The following ZNRF3 variants were observed in gnomAD, a reference collection of about 807,000 sequenced individuals.
The protein encoded by ZNRF3 is E3 ubiquitin-protein ligase ZNRF3.
In ZNRF3, 23 loss-of-function variants were observed where a neutral mutation model predicts 72.5. The observed-to-expected ratio is 0.32, with a 90% CI of 0.23 to 0.45. The LOEUF (loss-of-function observed/expected upper bound fraction) is 0.45, where lower values mean the gene tolerates loss of function less well. Among genes scored for constraint, ZNRF3 ranks in the 20% least tolerant of loss-of-function variants. The probability of loss-of-function intolerance (pLI) is 1.00; values close to 1 mark genes in which losing one functional copy is unlikely to be tolerated. For synonymous variants in ZNRF3, 610 were observed against 545.3 expected, an observed-to-expected ratio of 1.12 and a Z score of -1.65; for missense variants, 1,169 against 1,272.1, an observed-to-expected ratio of 0.92 and a Z score of 1.23.
chr22:29,000,570 C>A (rs187249260), intron 2 of ZNRF3, among the ~76,000 whole-genome samples: 129 of 152,228 alleles, frequency 8.5e-4, no homozygotes, highest in Middle Eastern at 3.4e-3. Flanking sequence ...TTACAATTTA[C>A]AATTTATAGC....
chr22:28,955,590 G>A (rs540760079), intron 1 of ZNRF3, among the ~76,000 whole-genome samples: 1 of 152,266 alleles, frequency 6.6e-6, no homozygotes, highest in African/African-American at 2.4e-5. Context: ...CTGTGCTTTG[G>A]TTGGTCTCAC....
intron 1 of ZNRF3, among the ~76,000 whole-genome samples, chr22:28,885,123 A>G (rs562889455): frequency 1.3e-5 from 2 of 152,240 alleles, no homozygotes; most frequent in South Asian, 4.1e-4. Flanking sequence ...TGAGTTATGA[A>G]TGAAAAGAAG....
rs183977884 is a variant in ZNRF3, at chr22:28,888,997, C to G, written c.300+4931C>G. ...AGGTGTGGTGGCACATGCCTGTAAT[C>G]CCAGCTACTCAGGAGGCTGAGGCAG... On this transcript the variant is annotated intron_variant, in intron 1 of 8. Transcript: ENST00000544604. 4.5e-3 allele frequency among the ~76,000 whole-genome samples: 681 copies of G among 152,180 alleles called. 6 individuals are homozygous for G. The highest frequency in any genetic ancestry group is 6.6e-3 in the Non-Finnish European group (452 of 68,002).
chr22:28,944,553 G>A (rs1400832996), intron 1 of ZNRF3, among the ~76,000 whole-genome samples: 2 of 151,930 alleles, frequency 1.3e-5, no homozygotes, highest in Non-Finnish European at 2.9e-5. Flanking sequence ...TCAGGAGTTC[G>A]AGACCAGCCT....
intron 2 of ZNRF3, among the ~76,000 whole-genome samples, chr22:28,996,768 G>A (rs1413175636): frequency 3.3e-5 from 5 of 152,290 alleles, no homozygotes; most frequent in South Asian, 4.1e-4. Flanking sequence ...GAACCTCAGC[G>A]AAGAAGATCT....
intron 1 of ZNRF3, among the ~76,000 whole-genome samples, chr22:28,933,164 G>A (rs189604537): frequency 2.6e-5 from 4 of 152,144 alleles, no homozygotes; most frequent in South Asian, 2.1e-4. Flanking sequence ...ATGAACTAAC[G>A]CATTCTTCTC....
chr22:28,965,144 C>T (rs898963896), intron 1 of ZNRF3, among the ~76,000 whole-genome samples: 2 of 152,196 alleles, frequency 1.3e-5, no homozygotes, highest in Non-Finnish European at 2.9e-5. Context: ...CTGGCTCAGC[C>T]ATCCTAGCAC....
In ZNRF3 at chr22:29,046,860, C is replaced by T. The variant is rs1296860513; in HGVS notation, c.889C>T (p.Leu297=). ...SSSTSDCAIC[L]EKYIDGEELR... ...CTCCACGTCCGACTGTGCCATCTGT[C>T]TGGAGAAGTACATTGATGGAGAGGT... is the stretch of plus-strand genomic sequence containing the variant. The change falls in exon 6 of 9, where the codon CTG becomes TTG. Residue 297 remains leucine (L), a synonymous_variant. Transcript: ENST00000544604. 1 of 1,595,450 alleles carries T rather than the reference C, an allele frequency of 6.3e-7. No individual in the cohort carries two copies. The highest frequency in any genetic ancestry group is 1.3e-5 in the African/African-American group (1 of 74,518).
At chr22:28,887,530 A>G (rs1318026) in intron 1 of ZNRF3, among the ~76,000 whole-genome samples, 61,753 of 151,988 alleles carry the variant, frequency 0.41, 14,094 homozygotes, top group East Asian at 0.61. Context: ...AAGGTCACCA[A>G]TGTAATCTGA....
intron 1 of ZNRF3, among the ~76,000 whole-genome samples, chr22:28,896,704 T>G (rs1055944922): frequency 2.0e-5 from 3 of 152,238 alleles, no homozygotes; most frequent in African/African-American, 7.2e-5. Flanking sequence ...TACATCAGTC[T>G]TGGAGTAGGT....
chr22:28,892,791 C>T (rs567206648), intron 1 of ZNRF3, among the ~76,000 whole-genome samples: 2 of 152,228 alleles, frequency 1.3e-5, no homozygotes, highest in South Asian at 4.1e-4. Context: ...TCTGTGAAAA[C>T]GAAGTTTGAT....
intron 2 of ZNRF3, among the ~76,000 whole-genome samples, chr22:29,036,574 A>C (rs1490507058): frequency 2.6e-5 from 4 of 152,210 alleles, no homozygotes; most frequent in Non-Finnish European, 5.9e-5. Context: ...TGTCTGTGCC[A>C]GTCTATCTAT....
At chr22:28,950,755 G>A (rs992696799) in intron 1 of ZNRF3, among the ~76,000 whole-genome samples, 13 of 152,204 alleles carry the variant, frequency 8.5e-5, no homozygotes, top group Non-Finnish European at 1.9e-4. Flanking sequence ...TTCTTGCCAT[G>A]TAAATCCTTA....
intron 1 of ZNRF3, among the ~76,000 whole-genome samples, chr22:28,931,649 C>T (rs1185245162): frequency 1.3e-5 from 2 of 152,124 alleles, no homozygotes; most frequent in Non-Finnish European, 2.9e-5. Flanking sequence ...GTCCATCTGT[C>T]CACACACCCA....
At chr22:29,008,867 T>C (rs2036302879) in intron 2 of ZNRF3, among the ~76,000 whole-genome samples, 1 of 152,262 alleles carries the variant, frequency 6.6e-6, no homozygotes, top group Non-Finnish European at 1.5e-5. Context: ...AGGTAGCCAA[T>C]TACTCTTTTT....
At chr22:29,026,132 G>A (rs1263004801) in intron 2 of ZNRF3, 1 of 152,170 alleles carries the variant, frequency 6.6e-6, no homozygotes, top group Non-Finnish European at 1.5e-5. Context: ...GCATAGATTT[G>A]ACACAGCCTT....
At chr22:29,003,746 G>A (rs757768117) in intron 2 of ZNRF3, among the ~76,000 whole-genome samples, 7 of 151,946 alleles carry the variant, frequency 4.6e-5, no homozygotes, top group Admixed American at 3.3e-4. Flanking sequence ...AGGCTGGAGC[G>A]GGAGGCTTGA....
intron 2 of ZNRF3, chr22:29,031,774 G>GT (rs1210905369): frequency 7.8e-6 from 2 of 256,378 alleles, no homozygotes; most frequent in Non-Finnish European, 1.2e-5. Flanking sequence ...GACCGGCTGG[G>GT]TGCTCTCCAT....
At position 28,963,463 on chromosome 22, in the gene ZNRF3, G is replaced by A. The variant is rs78078032; in HGVS notation, c.301-23613G>A. Among the ~76,000 whole-genome samples the A allele has an allele frequency of 3.0e-3, 460 of 152,254 alleles. 3 individuals are homozygous for A. Among genetic ancestry groups the A allele is most frequent in the African/African-American group, 0.01 (430 of 41,526 alleles). ...AAATATTGCTGTTAATCGCAGGAGA[G>A]GGGGGTAGGGAGGGAAAAAAACCAC... On this transcript the variant is annotated intron_variant, in intron 1 of 8. Coordinates refer to ENST00000544604, the MANE Select transcript of ZNRF3 (RefSeq NM_001206998.2).
Sources: gnomAD v4.1 joint callset for allele counts (sites outside exome capture counted in the v4.1 genomes callset) on GRCh38, gnomAD v4.1.1 for gene constraint, MANE v1.5 for transcripts, NCBI Gene and HGNC (gene_info 2026-07-23, HGNC 2026-07-21) for gene names.